Variants in ADD3 observed in about 807,000 individuals in gnomAD.
ADD3 encodes the protein gamma-adducin.
A neutral mutation model predicts 80.2 loss-of-function variants in ADD3; 25 were observed. The observed-to-expected ratio is 0.31, with a 90% CI of 0.23 to 0.44. ADD3 has a LOEUF of 0.44. ADD3 is among the 20% of genes least tolerant of loss of function. The probability of loss-of-function intolerance (pLI) is 1.00; values close to 1 mark genes in which losing one functional copy is unlikely to be tolerated. For synonymous variants in ADD3, 284 were observed against 289.6 expected (o/e 0.98, Z 0.20); for missense variants, 829 against 847.5 (o/e 0.98, Z 0.27).
chr10:110,015,478 C>G (rs936694878), intron 1 of ADD3, among the ~76,000 whole-genome samples: 2 of 151,170 alleles, frequency 1.3e-5, no homozygotes, highest in African/African-American at 4.9e-5. Context: ...TGGGTTCATG[C>G]CATTCTCCTG....
At chr10:110,016,844 A>C (rs991531789) in intron 1 of ADD3, among the ~76,000 whole-genome samples, 1 of 152,202 alleles carries the variant, frequency 6.6e-6, no homozygotes, top group African/African-American at 2.4e-5. Flanking sequence ...AACTGGAGGT[A>C]GTAGAACTAG....
chr10:110,047,316 C>A (rs1857009398), intron 1 of ADD3, among the ~76,000 whole-genome samples: 2 of 152,166 alleles, frequency 1.3e-5, no homozygotes. Context: ...TAGGCTTAGA[C>A]AGTTTTACAT....
intron 1 of ADD3, among the ~76,000 whole-genome samples, chr10:110,031,745 ATTTT>A (rs565268979): frequency 7.0e-6 from 1 of 142,758 alleles, no homozygotes; most frequent in Non-Finnish European, 1.5e-5. Flanking sequence ...GACATGAGCT[ATTTT>A]TTTTTTTTAA....
intron 1 of ADD3, among the ~76,000 whole-genome samples, chr10:110,050,332 C>T (rs1197835484): frequency 1.3e-5 from 2 of 151,916 alleles, no homozygotes; most frequent in African/African-American, 4.8e-5. Flanking sequence ...CAGTTTCCTC[C>T]ATACTATTCT....
chr10:110,101,673 A>G (rs2133960028), intron 2 of ADD3, among the ~76,000 whole-genome samples: 1 of 152,134 alleles, frequency 6.6e-6, no homozygotes, highest in East Asian at 1.9e-4. Context: ...AAGTGGAAAA[A>G]TCCTGTCTGC....
At chr10:110,103,215 T>A (rs1403987845) in intron 2 of ADD3, among the ~76,000 whole-genome samples, 1 of 152,232 alleles carries the variant, frequency 6.6e-6, no homozygotes, top group African/African-American at 2.4e-5. Flanking sequence ...AAATGATACT[T>A]GGTGGCTTGT....
At chr10:110,014,939 T>A (rs562339992) in intron 1 of ADD3, among the ~76,000 whole-genome samples, 32 of 152,192 alleles carry the variant, frequency 2.1e-4, no homozygotes, top group Non-Finnish European at 4.0e-4. Context: ...AGTGGCGTGA[T>A]CTCGGCTCAA....
chr10:110,038,069 CAAAAAAA>C lies in ADD3; in HGVS notation c.-30+29788_-30+29794del, dbSNP rs754609555. On this transcript the variant is annotated intron_variant, in intron 1 of 14. Transcript: ENST00000356080. ...GGGCAACAAGAGTAAAACTCCGTCT[CAAAAAAA>C]AAAAAAAAAAAAAAAAAGATATTTG... Among the ~76,000 whole-genome samples the C allele has an allele frequency of 7.2e-3, 315 of 43,896 alleles. 3 individuals are homozygous for C. The highest frequency in any genetic ancestry group is 0.018 in the African/African-American group (276 of 15,380). The allele number at this position is 43,896 out of a possible 152,430, so 28.8% of individuals were successfully genotyped here. A position where few individuals can be genotyped will look rare whatever the true frequency, so the allele number is the denominator to read the frequency against.
chr10:110,087,243 G>A (rs1377455826), intron 1 of ADD3, among the ~76,000 whole-genome samples: 1 of 152,094 alleles, frequency 6.6e-6, no homozygotes, highest in East Asian at 1.9e-4. Context: ...TGTTGGCCAG[G>A]CTGGTCTTGA....
At position 110,133,888 on chromosome 10, in the gene ADD3, A is replaced by G. The variant is rs563202647; in HGVS notation, c.*270A>G. 4.1e-6 allele frequency: 1 copy of G among 243,344 alleles called. No individual in the cohort carries two copies. The highest frequency in any genetic ancestry group is 7.7e-5 in the East Asian group (1 of 13,036). 15.1% of individuals were successfully genotyped at this position (243,344 alleles called of 1,614,324 possible). A position where few individuals can be genotyped will look rare whatever the true frequency, so the allele number is the denominator to read the frequency against. ...TTATTATAATTCACCATAAACAGCT[A>G]TCTGTCTGAATTACTTCAGGCCTTC... On this transcript the variant is annotated 3_prime_UTR_variant, in exon 15 of 15. Coordinates refer to ENST00000356080, the MANE Select transcript of ADD3 (RefSeq NM_016824.5).
chr10:110,113,610 T>G (rs1850329807), intron 3 of ADD3, among the ~76,000 whole-genome samples: 1 of 152,208 alleles, frequency 6.6e-6, no homozygotes, highest in Admixed American at 6.5e-5. Context: ...GATTTTAATG[T>G]GGCTGGATAT....
intron 14 of ADD3, 36 bp downstream of exon 14, chr10:110,132,436 G>A (rs746051883): frequency 2.4e-5 from 34 of 1,404,618 alleles, no homozygotes; most frequent in Non-Finnish European, 3.4e-5. Context: ...CATTCACTGA[G>A]TTAGTCTTGA....
intron 1 of ADD3, among the ~76,000 whole-genome samples, chr10:110,031,410 C>T (rs375017893): frequency 3.3e-5 from 5 of 152,170 alleles, no homozygotes; most frequent in South Asian, 2.1e-4. Context: ...TTCTAAATTA[C>T]GAAGAAACAG....
At chr10:110,079,903 G>C (rs1276873825) in intron 1 of ADD3, among the ~76,000 whole-genome samples, 5 of 152,138 alleles carry the variant, frequency 3.3e-5, no homozygotes, top group Non-Finnish European at 7.4e-5. Flanking sequence ...CTGTAACTCA[G>C]TTATTCCTCC....
intron 1 of ADD3, among the ~76,000 whole-genome samples, chr10:110,025,694 G>C (rs1210210287): frequency 6.6e-6 from 1 of 152,152 alleles, no homozygotes; most frequent in Non-Finnish European, 1.5e-5. Flanking sequence ...GCAACATGTT[G>C]CTTGTGGCAG....
At chr10:110,124,476 A>G (rs1851893175) in intron 10 of ADD3, among the ~76,000 whole-genome samples, 1 of 152,214 alleles carries the variant, frequency 6.6e-6, no homozygotes, top group Non-Finnish European at 1.5e-5. Context: ...AATATGAATG[A>G]TGCTGTTTTT....
At chr10:110,079,463 T>A (rs5022838) in intron 1 of ADD3, among the ~76,000 whole-genome samples, 3,529 of 61,644 alleles carry the variant, frequency 0.057, 26 homozygotes, top group Non-Finnish European at 0.087. Context: ...AGAGAGAGAG[T>A]GTGTGTGTGT....
chr10:110,090,042 T>G lies in ADD3; in HGVS notation c.-29-10583T>G, dbSNP rs544262447. The stretch of plus-strand genomic sequence containing the variant: ...TCCCAACCCCCACCATCACCTCAAG[T>G]ACAGAAATCTGTTTGCCTCACTGTT... On this transcript the variant is annotated intron_variant, in intron 1 of 14. Transcript: ENST00000356080. Among the ~76,000 whole-genome samples, 4 of 152,234 alleles carry G rather than the reference T, an allele frequency of 2.6e-5. No individual in the cohort carries two copies. The South Asian group carries it at 8.3e-4, about 32-fold the overall frequency.
At chr10:110,110,250 T>TA (rs1422392601) in intron 2 of ADD3, among the ~76,000 whole-genome samples, 2 of 152,220 alleles carry the variant, frequency 1.3e-5, no homozygotes, top group Admixed American at 1.3e-4. Flanking sequence ...TTTAGTGACT[T>TA]ACACTGACTG....
Sources: allele counts gnomAD v4.1 joint callset (sites outside exome capture counted in the v4.1 genomes callset), GRCh38; gene constraint gnomAD v4.1.1; transcripts MANE v1.5; gene names NCBI Gene and HGNC (gene_info 2026-07-23, HGNC 2026-07-21).